Variants in CALN1 observed in about 807,000 individuals in gnomAD.
CALN1 encodes calneuron 1.
A neutral mutation model predicts 30.6 loss-of-function variants in CALN1; 17 were observed. The observed-to-expected ratio is 0.56, with a 90% CI of 0.38 to 0.83. The LOEUF is 0.83. Ranked by LOEUF, CALN1 falls within the 40% of genes least tolerant of loss-of-function variation. The pLI is 0.00. For missense variants in CALN1, 291 were observed against 354.9 expected, an observed-to-expected ratio of 0.82 and a Z score of 1.45; for synonymous variants, 156 against 131.4, an observed-to-expected ratio of 1.19 and a Z score of -1.28.
At chr7:72,113,749 C>T (rs1807740786) in intron 3 of CALN1, among the ~76,000 whole-genome samples, 1 of 152,220 alleles carries the variant, frequency 6.6e-6, no homozygotes, top group African/African-American at 2.4e-5. Context: ...CTGTGGGGCC[C>T]ACAAAGACTA....
rs373946653 is a variant in CALN1 at position 71,858,481 on chromosome 7, C to G, written c.502-47989G>C. ...ACCTGCCTCCCATTCTGTTCCTATA[C>G]AAGATAGCTACAAAGAGTAAAGAAA... On this transcript the variant is annotated intron_variant, in intron 5 of 6. Transcript: ENST00000395275. Among the ~76,000 whole-genome samples the G allele has an allele frequency of 4.0e-5, 6 of 150,376 alleles. No homozygotes were observed. The East Asian group carries it at 9.7e-4, about 24-fold the overall frequency.
At chr7:72,266,621 T>C (rs959975718) in intron 3 of CALN1, among the ~76,000 whole-genome samples, 7 of 152,214 alleles carry the variant, frequency 4.6e-5, no homozygotes, top group Admixed American at 1.3e-4. Context: ...TTTTCTTTTA[T>C]CTTATGATGC....
chr7:72,366,390 G>T (rs754395222), intron 2 of CALN1, among the ~76,000 whole-genome samples: 1 of 151,988 alleles, frequency 6.6e-6, no homozygotes, highest in Non-Finnish European at 1.5e-5. Context: ...TGGCCAAGCT[G>T]GTCTCGAACT....
chr7:72,216,528 G>A (rs944692008), intron 3 of CALN1, among the ~76,000 whole-genome samples: 3 of 152,132 alleles, frequency 2.0e-5, no homozygotes, highest in African/African-American at 4.8e-5. Flanking sequence ...CATCCCAAGC[G>A]TAAGGTACCC....
At chr7:72,242,657 G>A (rs1243550750) in intron 3 of CALN1, among the ~76,000 whole-genome samples, 2 of 152,164 alleles carry the variant, frequency 1.3e-5, no homozygotes, top group Non-Finnish European at 2.9e-5. Context: ...GGAGGCTGAG[G>A]TGGGCAGATC....
chr7:72,315,522 C>G (rs1800380461), intron 2 of CALN1, among the ~76,000 whole-genome samples: 1 of 151,888 alleles, frequency 6.6e-6, no homozygotes. Context: ...GCCTGGAAAA[C>G]ACAGCAAGAT....
chr7:71,881,486 TTCTC>T (rs924453831), intron 5 of CALN1, among the ~76,000 whole-genome samples: 1 of 152,188 alleles, frequency 6.6e-6, no homozygotes, highest in African/African-American at 2.4e-5. Flanking sequence ...CCATCATCAC[TTCTC>T]TCTAACTGGT....
intron 3 of CALN1, among the ~76,000 whole-genome samples, chr7:72,195,569 G>A (rs139573454): frequency 1.2e-4 from 18 of 152,150 alleles, no homozygotes; most frequent in South Asian, 4.1e-4. Context: ...TTTAAGGATG[G>A]GGTCTCACTA....
chr7:72,060,340 T>C (rs988661925), intron 4 of CALN1, among the ~76,000 whole-genome samples: 4 of 152,162 alleles, frequency 2.6e-5, no homozygotes, highest in African/African-American at 9.7e-5. Context: ...AGGAAGCTGA[T>C]ACAGCCAAGG....
intron 2 of CALN1, among the ~76,000 whole-genome samples, chr7:72,356,172 G>C (rs1312582482): frequency 6.6e-6 from 1 of 152,058 alleles, no homozygotes; most frequent in Non-Finnish European, 1.5e-5. Context: ...TTTTGTAAAA[G>C]GAAAGAATTG....
rs1491151607 is a variant in CALN1 at position 72,181,097 on chromosome 7, C to CCG, written c.245-74804_245-74803insCG. Among the ~76,000 whole-genome samples the CCG allele has an allele frequency of 1.2e-3, 7 of 6,008 alleles. No homozygotes were observed. The South Asian group carries it at 0.054, about 47-fold the overall frequency. 3.9% of individuals were successfully genotyped at this position (6,008 alleles called of 152,430 possible). A position where few individuals can be genotyped will look rare whatever the true frequency, so the allele number is the denominator to read the frequency against. On this transcript the variant is annotated intron_variant, in intron 3 of 6. Transcript: ENST00000395275. ...TGGGCAACAGAGCGAAACTGCATAACCCCCCCCCCCCCCAAAAAAAAAAAA... is the reference window on the plus strand; with the variant it reads ...TGGGCAACAGAGCGAAACTGCATAACCGCCCCCCCCCCCCCAAAAAAAAAAAA...
chr7:72,386,998 C>T (rs1456541498), intron 2 of CALN1, among the ~76,000 whole-genome samples: 1 of 151,270 alleles, frequency 6.6e-6, no homozygotes, highest in Non-Finnish European at 1.5e-5. Flanking sequence ...AGTAGCAATA[C>T]ACAAGATGAG....
intron 5 of CALN1, among the ~76,000 whole-genome samples, chr7:71,869,335 T>C (rs111488687): frequency 0.023 from 3,425 of 152,124 alleles, 131 homozygotes; most frequent in African/African-American, 0.076. Context: ...CTCAGCCTCC[T>C]GAGTAGCTGG....
At chr7:72,130,890 C>A (rs1563083466) in intron 3 of CALN1, among the ~76,000 whole-genome samples, 4 of 151,764 alleles carry the variant, frequency 2.6e-5, no homozygotes, top group South Asian at 2.1e-4. Flanking sequence ...TTTGAATAAA[C>A]AGGTTATTTT....
chr7:72,144,291 C>G (rs1490455368), intron 3 of CALN1, among the ~76,000 whole-genome samples: 5 of 151,880 alleles, frequency 3.3e-5, no homozygotes, highest in Non-Finnish European at 5.9e-5. Context: ...ATCTACCAAG[C>G]AAATGGAAAA....
At chr7:72,285,874 C>T (rs187385464) in intron 2 of CALN1, among the ~76,000 whole-genome samples, 6 of 152,232 alleles carry the variant, frequency 3.9e-5, no homozygotes, top group African/African-American at 1.4e-4. Flanking sequence ...GACAGCAATC[C>T]GTGTCCTCCA....
chr7:71,880,735 A>G (rs1792513655), intron 5 of CALN1, among the ~76,000 whole-genome samples: 1 of 152,162 alleles, frequency 6.6e-6, no homozygotes, highest in Non-Finnish European at 1.5e-5. Context: ...CTAACAATAA[A>G]ATCCCCAGAC....
At chr7:72,119,766 G>C (rs933022509) in intron 3 of CALN1, among the ~76,000 whole-genome samples, 1 of 151,866 alleles carries the variant, frequency 6.6e-6, no homozygotes, top group Non-Finnish European at 1.5e-5. Flanking sequence ...AATCTTGTGA[G>C]ACTTGTTCAC....
chr7:72,034,232 T>G (rs1461639939), intron 4 of CALN1, among the ~76,000 whole-genome samples: 1 of 151,584 alleles, frequency 6.6e-6, no homozygotes, highest in African/African-American at 2.4e-5. Context: ...CGGGCGCCTG[T>G]AGTCCCAGCT....
Sources: allele counts gnomAD v4.1 joint callset (sites outside exome capture counted in the v4.1 genomes callset), GRCh38; gene constraint gnomAD v4.1.1; transcripts MANE v1.5; gene names NCBI Gene and HGNC (gene_info 2026-07-23, HGNC 2026-07-21).